USP32: variants seen among roughly 807,000 people sequenced by gnomAD.
USP32 encodes ubiquitin carboxyl-terminal hydrolase 32.
Under a neutral mutation model 204.8 loss-of-function variants are expected in USP32, and 59 were observed. That is an observed-to-expected ratio of 0.29 (90% CI 0.23 to 0.36). The LOEUF (loss-of-function observed/expected upper bound fraction) is 0.36, where lower values mean the gene tolerates loss of function less well. Ranked by LOEUF, USP32 falls within the 10% of genes least tolerant of loss-of-function variation. The pLI, the probability that USP32 is intolerant of heterozygous loss-of-function variation, is 1.00. For missense variants in USP32, 1,160 were observed against 1,946.4 expected (o/e 0.60, Z 7.60); for synonymous variants, 517 against 678.4 (o/e 0.76, Z 3.70).
At position 60,385,373 on chromosome 17, in the gene USP32, T is replaced by C. The variant is rs11868298; in HGVS notation, c.58+6509A>G. Among the ~76,000 whole-genome samples, 542 of 152,230 alleles carry C rather than the reference T, an allele frequency of 3.6e-3. 5 individuals are homozygous for C. Among genetic ancestry groups the C allele is most frequent in the South Asian group, 0.022 (105 of 4,818 alleles). On this transcript the variant is annotated intron_variant, in intron 1 of 33. Transcript: ENST00000300896. ...CCTTCATTGCTCACACAAAGTCTGT[T>C]TGGTGGTCTCTTCACATGGACGCGC...
At chr17:60,272,651 A>G (rs1278507774) in intron 5 of USP32, among the ~76,000 whole-genome samples, 1 of 152,232 alleles carries the variant, frequency 6.6e-6, no homozygotes, top group African/African-American at 2.4e-5. Context: ...AGCAGCATAG[A>G]ACGGTGAACC....
chr17:60,188,809 G>T (rs1280037800), intron 29 of USP32, among the ~76,000 whole-genome samples: 1 of 152,150 alleles, frequency 6.6e-6, no homozygotes, highest in African/African-American at 2.4e-5. Context: ...TATCTCTTTT[G>T]TCTACATGAC....
At chr17:60,391,744 T>A (rs954015875) in intron 1 of USP32, 138 bp downstream of exon 1, 4 of 873,494 alleles carry the variant, frequency 4.6e-6, no homozygotes, top group African/African-American at 3.5e-5. Flanking sequence ...TCCACCACAC[T>A]CCCCAAGGCC....
intron 1 of USP32, among the ~76,000 whole-genome samples, chr17:60,399,935 C>T (rs1025601056): frequency 1.3e-5 from 2 of 152,004 alleles, no homozygotes; most frequent in African/African-American, 4.8e-5. Context: ...AAATCAGAAG[C>T]TGTCACAGGT....
At chr17:60,400,099 G>A (rs1352076240) in intron 1 of USP32, among the ~76,000 whole-genome samples, 1 of 152,048 alleles carries the variant, frequency 6.6e-6, no homozygotes, top group Admixed American at 6.6e-5. Context: ...TGAGTAGCTG[G>A]GATTATAGGC....
intron 9 of USP32, among the ~76,000 whole-genome samples, chr17:60,259,999 T>G (rs1397041693): frequency 6.6e-6 from 1 of 152,172 alleles, no homozygotes; most frequent in African/African-American, 2.4e-5. Flanking sequence ...CACTTAAAGT[T>G]GCAGTTTCCA....
At chr17:60,260,024 A>G (rs1409894811) in intron 9 of USP32, among the ~76,000 whole-genome samples, 1 of 152,228 alleles carries the variant, frequency 6.6e-6, no homozygotes, top group African/African-American at 2.4e-5. Context: ...CCTAAAGACA[A>G]CATTAAGTGA....
upstream of USP32, chr17:60,392,598 G>A (rs905075268): frequency 2.2e-6 from 1 of 448,572 alleles, no homozygotes; most frequent in Non-Finnish European, 4.5e-6. Context: ...CTTAGGGAAT[G>A]GGGTTCTGAG....
chr17:60,361,637 T>G (rs183750164), intron 1 of USP32, among the ~76,000 whole-genome samples: 1 of 152,208 alleles, frequency 6.6e-6, no homozygotes, highest in Non-Finnish European at 1.5e-5. Flanking sequence ...TTGTTCACTA[T>G]TGCTTAGTAG....
intron 32 of USP32, 102 bp downstream of exon 32, chr17:60,181,222 G>A (rs2084102839): frequency 1.4e-6 from 2 of 1,437,312 alleles, no homozygotes; most frequent in African/African-American, 2.9e-5. Flanking sequence ...CTCAATGCTA[G>A]GAAATAAGCA....
chr17:60,213,045 G>A (rs1387972603), intron 18 of USP32, among the ~76,000 whole-genome samples: 3 of 152,170 alleles, frequency 2.0e-5, no homozygotes, highest in Non-Finnish European at 2.9e-5. Flanking sequence ...GAGCCACTGC[G>A]CCCGGCCTAT....
chr17:60,349,596 A>ATATATATATATATATATATAT (rs1249040514), intron 1 of USP32, among the ~76,000 whole-genome samples: 2 of 65,202 alleles, frequency 3.1e-5, no homozygotes, highest in Non-Finnish European at 5.0e-5. Context: ...AAAAAAAAAA[A>ATATATATATATATATATATAT]ATATATATAT....
chr17:60,376,515 C>CT (rs982865898), intron 1 of USP32, among the ~76,000 whole-genome samples: 16 of 149,932 alleles, frequency 1.1e-4, no homozygotes, highest in Admixed American at 6.0e-4. Flanking sequence ...GGGAAATTTT[C>CT]TTTTTTTTTC....
chr17:60,408,368 G>A (rs2089994636), intron 1 of USP32, among the ~76,000 whole-genome samples: 2 of 152,044 alleles, frequency 1.3e-5, no homozygotes, highest in Admixed American at 1.3e-4. Flanking sequence ...TAACCACATC[G>A]TATCAATCTG....
chr17:60,292,585 A>G (rs915546857), intron 4 of USP32, among the ~76,000 whole-genome samples: 1 of 152,156 alleles, frequency 6.6e-6, no homozygotes, highest in Non-Finnish European at 1.5e-5. Context: ...AAAAAATTCT[A>G]GGCCAACTCT....
intron 5 of USP32, among the ~76,000 whole-genome samples, chr17:60,272,773 T>A (rs1054395996): frequency 6.6e-6 from 1 of 152,112 alleles, no homozygotes; most frequent in African/African-American, 2.4e-5. Context: ...AGAGATTTCA[T>A]TGAGTTAAGA....
At chr17:60,393,714 C>CGA (rs1265892004), upstream of USP32, among the ~76,000 whole-genome samples, 1 of 148,128 alleles carries the variant, frequency 6.8e-6, no homozygotes, top group East Asian at 2.0e-4. Context: ...GACGGAGTTT[C>CGA]ACCCCTGTTG....
At chr17:60,213,746 A>T in intron 17 of USP32, 84 bp from the exon 18 acceptor site, 4 of 1,505,368 alleles carry the variant, frequency 2.7e-6, no homozygotes, top group Non-Finnish European at 3.6e-6. Context: ...AACAATTAAA[A>T]AAACAACTTC....
intron 3 of USP32, 25 bp downstream of exon 3, chr17:60,301,574 T>C: frequency 7.0e-7 from 1 of 1,429,884 alleles, no homozygotes; most frequent in South Asian, 1.3e-5. Context: ...AGACGAATTA[T>C]TTTTGAGATA....
Sources: gnomAD v4.1 joint callset for allele counts (sites outside exome capture counted in the v4.1 genomes callset) on GRCh38, gnomAD v4.1.1 for gene constraint, MANE v1.5 for transcripts, NCBI Gene and HGNC (gene_info 2026-07-23, HGNC 2026-07-21) for gene names.